The following SLC25A21 variants were observed in gnomAD, a reference collection of about 807,000 sequenced individuals.
SLC25A21 encodes the protein mitochondrial 2-oxodicarboxylate carrier.
Under a neutral mutation model 43.8 loss-of-function variants are expected in SLC25A21, and 47 were observed. That is an observed-to-expected ratio of 1.07 (90% confidence interval 0.85 to 1.37). The LOEUF is 1.37. Ranked by LOEUF, SLC25A21 falls within the 40% of genes most tolerant of loss-of-function variation. SLC25A21 has a pLI of 0.00. For missense variants in SLC25A21, 352 were observed against 350.2 expected (o/e 1.00, Z -0.04); for synonymous variants, 131 against 121.3 (o/e 1.08, Z -0.52).
intron 1 of SLC25A21, among the ~76,000 whole-genome samples, chr14:36,983,336 A>T (rs1451418474): frequency 6.6e-6 from 1 of 152,140 alleles, no homozygotes; most frequent in Non-Finnish European, 1.5e-5. Flanking sequence ...CTTCTGATTC[A>T]TTTATTTCAC....
intron 1 of SLC25A21, among the ~76,000 whole-genome samples, chr14:37,023,583 T>C (rs536005926): frequency 3.9e-5 from 6 of 152,172 alleles, no homozygotes; most frequent in African/African-American, 1.4e-4. Context: ...TCAATAACTT[T>C]CTTCTGAAAC....
chr14:36,754,330 C>A (rs2139265764), intron 3 of SLC25A21, among the ~76,000 whole-genome samples: 1 of 152,190 alleles, frequency 6.6e-6, no homozygotes, highest in African/African-American at 2.4e-5. Context: ...TCTTCTAGTT[C>A]TATAGCAGCT....
At position 36,957,895 on chromosome 14, in the gene SLC25A21, T is replaced by C. The variant is rs10142231; in HGVS notation, c.71-82891A>G. On this transcript the variant is annotated intron_variant, in intron 1 of 9. Coordinates refer to ENST00000331299, the MANE Select transcript of SLC25A21 (RefSeq NM_030631.4). ...CATTTATGTATGGTTTTGTTTAGTA[T>C]CATTATTCTATATATCTTTTTCTCC... is the stretch of plus-strand genomic sequence containing the variant. Among the ~76,000 whole-genome samples the C allele has an allele frequency of 9.4e-3, 1,434 of 152,354 alleles. 25 individuals carry two copies. The highest frequency in any genetic ancestry group is 0.032 in the African/African-American group (1,344 of 41,572).
chr14:36,891,196 T>C (rs1348453652), intron 1 of SLC25A21, among the ~76,000 whole-genome samples: 1 of 152,126 alleles, frequency 6.6e-6, no homozygotes, highest in East Asian at 1.9e-4. Flanking sequence ...AAAGAATCTC[T>C]TGATGGATGA....
intron 1 of SLC25A21, among the ~76,000 whole-genome samples, chr14:37,060,032 T>C (rs146037961): frequency 2.6e-5 from 4 of 152,268 alleles, no homozygotes; most frequent in Admixed American, 2.6e-4. Context: ...CCCCCTTAAC[T>C]CTGTGCTATG....
intron 1 of SLC25A21, among the ~76,000 whole-genome samples, chr14:37,079,010 C>G (rs1184055773): frequency 6.6e-6 from 1 of 152,184 alleles, no homozygotes; most frequent in African/African-American, 2.4e-5. Context: ...ACAAGCATTT[C>G]TCTTTTCCTT....
In SLC25A21 at chr14:36,746,318, A is replaced by G. The variant is rs543184441; in HGVS notation, c.204-11745T>C. Reference sequence around the variant, plus strand: ...AACAACATGGATGGAACTGGATGCCACTATCCTAAAGTGGGATGACTTAGA... The same window carrying G: ...AACAACATGGATGGAACTGGATGCCGCTATCCTAAAGTGGGATGACTTAGA... On this transcript the variant is annotated intron_variant, in intron 3 of 9. Coordinates refer to ENST00000331299, the MANE Select transcript of SLC25A21 (RefSeq NM_030631.4). 7.0e-5 allele frequency among the ~76,000 whole-genome samples: 7 copies of G among 100,260 alleles called. No homozygotes were observed. In the South Asian group the frequency reaches 2.4e-3, roughly 35 times the overall value. 65.8% of individuals were successfully genotyped at this position (100,260 alleles called of 152,430 possible). A position where few individuals can be genotyped will look rare whatever the true frequency, so the allele number is the denominator to read the frequency against.
intron 1 of SLC25A21, among the ~76,000 whole-genome samples, chr14:37,051,596 T>TA (rs1961707622): frequency 6.6e-6 from 1 of 152,154 alleles, no homozygotes; most frequent in East Asian, 1.9e-4. Context: ...AGGGACTATT[T>TA]ACAAATATGG....
intron 1 of SLC25A21, among the ~76,000 whole-genome samples, chr14:37,075,504 A>G (rs1373929794): frequency 6.6e-6 from 1 of 152,210 alleles, no homozygotes; most frequent in Admixed American, 6.5e-5. Context: ...AGTCAATGAT[A>G]CACACACCAA....
At chr14:36,996,375 T>C (rs921966222) in intron 1 of SLC25A21, among the ~76,000 whole-genome samples, 1 of 152,168 alleles carries the variant, frequency 6.6e-6, no homozygotes, top group Non-Finnish European at 1.5e-5. Context: ...GGTAACAGAA[T>C]AATACAGTGG....
intron 3 of SLC25A21, among the ~76,000 whole-genome samples, chr14:36,746,144 C>A (rs1031515698): frequency 2.6e-5 from 4 of 152,112 alleles, no homozygotes; most frequent in African/African-American, 7.2e-5. Context: ...CAAAAAGATA[C>A]CTGCACTCAT....
At chr14:36,906,511 C>A (rs1292462180) in intron 1 of SLC25A21, among the ~76,000 whole-genome samples, 1 of 149,818 alleles carries the variant, frequency 6.7e-6, no homozygotes, top group African/African-American at 2.5e-5. Flanking sequence ...TTCTTTCCTT[C>A]CTTTTTTTTT....
intron 3 of SLC25A21, among the ~76,000 whole-genome samples, chr14:36,750,447 T>G (rs1366961262): frequency 6.6e-6 from 1 of 152,202 alleles, no homozygotes; most frequent in African/African-American, 2.4e-5. Flanking sequence ...TTTGAGACCA[T>G]GTGCTCAGGA....
chr14:36,799,035 T>C lies in SLC25A21; in HGVS notation c.203+14883A>G, dbSNP rs367543758. Among the ~76,000 whole-genome samples, 72 of 152,148 alleles carry C rather than the reference T, an allele frequency of 4.7e-4. No individual in the cohort carries two copies. In the South Asian group the frequency reaches 0.014, roughly 30 times the overall value. On this transcript the variant is annotated intron_variant, in intron 3 of 9. Coordinates refer to ENST00000331299, the MANE Select transcript of SLC25A21 (RefSeq NM_030631.4). ...TGAGGACAAGAGAGCTAAAGGCAAA[T>C]ATATTGGGAATCTTCAGGTCTGAAT...
chr14:36,925,377 G>C (rs941212037), intron 1 of SLC25A21, among the ~76,000 whole-genome samples: 3 of 151,962 alleles, frequency 2.0e-5, no homozygotes, highest in African/African-American at 7.2e-5. Context: ...TAGGCTAAAA[G>C]AACAAAAAAG....
At chr14:37,046,959 G>A (rs576926337) in intron 1 of SLC25A21, among the ~76,000 whole-genome samples, 3 of 152,198 alleles carry the variant, frequency 2.0e-5, no homozygotes, top group East Asian at 1.9e-4. Flanking sequence ...AATGGCATCC[G>A]GAACATTTGT....
At chr14:36,976,737 AC>A (rs1354885245) in intron 1 of SLC25A21, among the ~76,000 whole-genome samples, 2 of 152,146 alleles carry the variant, frequency 1.3e-5, no homozygotes, top group East Asian at 3.9e-4. Flanking sequence ...CAGAAGCTTG[AC>A]CTCGGAAGGA....
chr14:36,884,181 T>C (rs1890848184), intron 1 of SLC25A21, among the ~76,000 whole-genome samples: 1 of 152,164 alleles, frequency 6.6e-6, no homozygotes, highest in African/African-American at 2.4e-5. Context: ...CATTCTAGTC[T>C]CTATTCCATG....
chr14:36,902,638 C>T (rs114545436), intron 1 of SLC25A21, among the ~76,000 whole-genome samples: 1,806 of 152,234 alleles, frequency 0.012, 37 homozygotes, highest in African/African-American at 0.04. Context: ...TTAATTTTTA[C>T]GGCAGAGGAG....
Sources: gnomAD v4.1 joint callset for allele counts (sites outside exome capture counted in the v4.1 genomes callset) on GRCh38, gnomAD v4.1.1 for gene constraint, MANE v1.5 for transcripts, NCBI Gene and HGNC (gene_info 2026-07-23, HGNC 2026-07-21) for gene names.